The following CTC1 variants were observed in gnomAD, a reference collection of about 807,000 sequenced individuals.
CTC1 encodes the protein CST complex subunit CTC1.
CTC1 carries 91 observed loss-of-function variants against 136.3 expected under a neutral mutation model. The ratio of observed to expected loss-of-function variants is 0.67; its 90% CI spans 0.56 to 0.79. The LOEUF is 0.79. Among genes scored for constraint, CTC1 ranks in the 30% least tolerant of loss-of-function variants. The probability of loss-of-function intolerance (pLI) is 0.00; values close to 1 mark genes in which losing one functional copy is unlikely to be tolerated. For missense variants in CTC1, 1,432 were observed against 1,498.1 expected (o/e 0.96, Z 0.73); for synonymous variants, 606 against 613.8 (o/e 0.99, Z 0.19).
intron 4 of CTC1, 144 bp from the exon 5 acceptor site, chr17:8,237,663 CTCAAAAAAAAAAA>C: frequency 2.2e-5 from 1 of 46,316 alleles, no homozygotes; most frequent in Non-Finnish European, 3.9e-5. Context: ...GAAACTACGT[CTCAAAAAAAAAAA>C]AAAAAAAAAA....
At chr17:8,236,467 A>C in intron 5 of CTC1, 125 bp from the exon 6 acceptor site, 3 of 943,040 alleles carry the variant, frequency 3.2e-6, no homozygotes, top group South Asian at 1.7e-5. Context: ...TCACCTCTCC[A>C]TCTTCCCTAT....
intron 18 of CTC1, 54 bp downstream of exon 18, chr17:8,229,837 G>A (rs1439154474): frequency 7.1e-7 from 1 of 1,407,732 alleles, no homozygotes; most frequent in African/African-American, 1.4e-5. Flanking sequence ...AGGGACATGT[G>A]GGAGATGCAG....
rs989763856 is a variant in CTC1, at chr17:8,238,086, C to T, written c.592G>A (p.Val198Ile). The T allele has an allele frequency of 7.4e-6, 12 of 1,613,992 alleles. No homozygotes were observed. Among genetic ancestry groups the T allele is most frequent in the East Asian group, 2.2e-5 (1 of 44,898 alleles). Residue 198 changes from valine to isoleucine, a missense_variant, in exon 4 of 23, where the codon GTC becomes ATC. Physicochemically the swap from Val to Ile is conservative, Grantham distance 29. Transcript: ENST00000651323. Reference protein sequence around the residue: ...VFPLTISPGPVTPIPVLYPES... With the variant: ...VFPLTISPGPITPIPVLYPES... ...GGGTAGAGGACAGGGATAGGCGTGA[C>T]GGGGCCAGGACTGATGGTCAAAGGA...
In CTC1 at chr17:8,231,472, G is replaced by A; in HGVS notation, c.2476-3C>T. ...TCCTTTTCAAACAACATTGGTGTCT[G>A]CACGGAAATGGGAAGACGACTGCCT... On this transcript the variant is annotated splice_polypyrimidine_tract_variant and splice_region_variant and intron_variant, in intron 14 of 22. Transcript: ENST00000651323. The A allele has an allele frequency of 1.9e-6, 3 of 1,594,990 alleles. No individual in the cohort carries two copies. The South Asian group carries it at 3.4e-5, about 18-fold the overall frequency.
chr17:8,230,530 T>C, intron 16 of CTC1, 33 bp downstream of exon 16: 1 of 1,613,832 alleles, frequency 6.2e-7, no homozygotes, highest in Non-Finnish European at 8.5e-7. Context: ...ATCACTCTAT[T>C]TCATACCTTC....
rs1986865783 is a variant in CTC1 at position 8,228,011 on chromosome 17, G to A, written c.*169C>T. 1.6e-6 allele frequency: 1 copy of A among 642,592 alleles called. No homozygotes were observed. Among genetic ancestry groups the A allele is most frequent in the East Asian group, 2.7e-5 (1 of 36,398 alleles). 39.8% of individuals were successfully genotyped at this position (642,592 alleles called of 1,614,324 possible). A position where few individuals can be genotyped will look rare whatever the true frequency, so the allele number is the denominator to read the frequency against. ...CATGATTTCCTGTTGCCACAATTTT[G>A]CCAAGGCAGGCTGGCACCAGAACAC... On this transcript the variant is annotated 3_prime_UTR_variant, in exon 23 of 23. Coordinates refer to ENST00000651323, the MANE Select transcript of CTC1 (RefSeq NM_025099.6).
intron 12 of CTC1, 46 bp from the exon 13 acceptor site, chr17:8,232,273 G>T: frequency 6.5e-7 from 1 of 1,548,338 alleles, no homozygotes; most frequent in Non-Finnish European, 8.7e-7. Context: ...TGCAGGCATT[G>T]GGTATTTTGG....
intron 2 of CTC1, among the ~76,000 whole-genome samples, chr17:8,242,579 T>TATATATATATATATATAC (rs1248128493): frequency 7.8e-6 from 1 of 127,946 alleles, no homozygotes; most frequent in African/African-American, 2.8e-5. Context: ...TATATATATA[T>TATATATATATATATATAC]ACACATATAT....
rs1459132004 is a variant in CTC1 at position 8,246,759 on chromosome 17, A to G, written c.33+1245T>C. ...AAAAAAATACAAAAATGAGCTGGGCATGGCGGCGCGTGCCTGTATGCCTGT... is the reference window on the plus strand; with the variant it reads ...AAAAAAATACAAAAATGAGCTGGGCGTGGCGGCGCGTGCCTGTATGCCTGT... On this transcript the variant is annotated intron_variant, in intron 1 of 22. Transcript: ENST00000651323. 2.0e-5 allele frequency among the ~76,000 whole-genome samples: 3 copies of G among 151,878 alleles called. No homozygotes were observed. In the East Asian group the frequency reaches 5.8e-4, roughly 30 times the overall value.
At chr17:8,231,677 A>T in intron 14 of CTC1, 49 bp downstream of exon 14, 1 of 1,561,972 alleles carries the variant, frequency 6.4e-7, no homozygotes, top group Non-Finnish European at 8.8e-7. Flanking sequence ...TTAGACCCCA[A>T]CCCCAAAAAA....
At chr17:8,243,721 C>T (rs201958176) in intron 1 of CTC1, among the ~76,000 whole-genome samples, 2 of 152,102 alleles carry the variant, frequency 1.3e-5, no homozygotes, top group South Asian at 2.1e-4. Flanking sequence ...AAAGTCAGTA[C>T]GTTGAAGACC....
At position 8,226,786 on chromosome 17, in the gene CTC1, G is replaced by A. The variant is rs1471318056; in HGVS notation, c.*1394C>T. On this transcript the variant is annotated 3_prime_UTR_variant, in exon 23 of 23. Coordinates refer to ENST00000651323, the MANE Select transcript of CTC1 (RefSeq NM_025099.6). ...GAAAGCGCTTCAGGGAAAAAAAGAC[G>A]CGGCGGTTGCACGTGAACCTTCCTT... 1.3e-5 allele frequency: 2 copies of A among 152,166 alleles called. No individual in the cohort carries two copies. The highest frequency in any genetic ancestry group is 2.9e-5 in the Non-Finnish European group (2 of 68,042). The allele number at this position is 152,166 out of a possible 1,614,324, so 9.4% of individuals were successfully genotyped here.
intron 2 of CTC1, among the ~76,000 whole-genome samples, chr17:8,240,768 A>G (rs759613543): frequency 1.3e-5 from 2 of 151,222 alleles, no homozygotes; most frequent in African/African-American, 2.4e-5. Context: ...AATCCCAGCT[A>G]TTCAGGAGGC....
chr17:8,247,423 C>T (rs1282064085), intron 1 of CTC1, among the ~76,000 whole-genome samples: 1 of 150,972 alleles, frequency 6.6e-6, no homozygotes, highest in African/African-American at 2.4e-5. Flanking sequence ...GATTCTCCTG[C>T]CTCAACCTTC....
chr17:8,238,122 C>T lies in CTC1; in HGVS notation c.556G>A (p.Val186Met), dbSNP rs185346402. 4.0e-5 allele frequency: 65 copies of T among 1,614,032 alleles called. No homozygotes were observed. Among genetic ancestry groups the T allele is most frequent in the Non-Finnish European group, 5.2e-5 (61 of 1,180,024 alleles). The change falls in exon 4 of 23, where the codon GTG becomes ATG. Residue 186 changes from valine (V) to methionine (M), a missense_variant. Val to Met is a conservative substitution (Grantham distance 21). Coordinates refer to ENST00000651323, the MANE Select transcript of CTC1 (RefSeq NM_025099.6). ...EGHLELWDAP[V>M]PVFPLTISPG... ...CTGATGGTCAAAGGAAACACTGGCACAGGGGCATCCCACAGCTCCAAGTGC... is the reference window on the plus strand; with the variant it reads ...CTGATGGTCAAAGGAAACACTGGCATAGGGGCATCCCACAGCTCCAAGTGC...
chr17:8,228,978 C>G, intron 20 of CTC1, 86 bp from the exon 21 acceptor site: 1 of 1,512,174 alleles, frequency 6.6e-7, no homozygotes, highest in Non-Finnish European at 9.0e-7. Context: ...TCCCCGCTGT[C>G]TGCAGTCTTT....
chr17:8,228,960 T>G, intron 20 of CTC1, 68 bp from the exon 21 acceptor site: 1 of 1,535,858 alleles, frequency 6.5e-7, no homozygotes, highest in Non-Finnish European at 8.8e-7. Context: ...GGACCCAACA[T>G]GCCTCCCTCC....
intron 1 of CTC1, among the ~76,000 whole-genome samples, chr17:8,246,914 A>ACACACACACACG (rs1269115923): frequency 6.6e-6 from 1 of 151,806 alleles, no homozygotes; most frequent in African/African-American, 2.4e-5. Flanking sequence ...CAAAACACAC[A>ACACACACACACG]CACACACACA....
Position 8,235,101 on chromosome 17 carries a change from A to G in CTC1, c.1391T>C (p.Leu464Pro). Residue 464 changes from leucine to proline, a missense_variant, in exon 8 of 23, where the codon CTT (leucine) becomes CCT (proline). Coordinates refer to ENST00000651323, the MANE Select transcript of CTC1 (RefSeq NM_025099.6). Reference protein sequence around the residue: ...EQLVWERQLGLPLYLWATKAL... With the variant: ...EQLVWERQLGPPLYLWATKAL... ...CTTGGTAGCCCACAGGTAGAGGGGAAGTCCTAACTGACGTTCCCACACCAG... is the reference window on the plus strand; with the variant it reads ...CTTGGTAGCCCACAGGTAGAGGGGAGGTCCTAACTGACGTTCCCACACCAG... 1 of 1,614,168 alleles carries G rather than the reference A, an allele frequency of 6.2e-7. No individual in the cohort carries two copies. The highest frequency in any genetic ancestry group is 1.1e-5 in the South Asian group (1 of 91,086).
Sources: gnomAD v4.1 joint callset for allele counts (sites outside exome capture counted in the v4.1 genomes callset) on GRCh38, gnomAD v4.1.1 for gene constraint, MANE v1.5 for transcripts, NCBI Gene and HGNC (gene_info 2026-07-23, HGNC 2026-07-21) for gene names.